Variants in LRRC7 observed in about 807,000 individuals in gnomAD.
LRRC7 encodes leucine-rich repeat-containing protein 7.
LRRC7 carries 23 observed loss-of-function variants against 175.7 expected under a neutral mutation model. That is an observed-to-expected ratio of 0.13 (90% CI 0.09 to 0.19). The LOEUF (loss-of-function observed/expected upper bound fraction) is 0.19. LRRC7 is among the 10% of genes least tolerant of loss of function. The pLI is 1.00. For missense variants in LRRC7, 1,354 were observed against 1,904.7 expected (o/e 0.71, Z 5.38); for synonymous variants, 685 against 680.9 (o/e 1.01, Z -0.09).
At chr1:69,902,225 T>C (rs897308579) in intron 7 of LRRC7, among the ~76,000 whole-genome samples, 1 of 152,180 alleles carries the variant, frequency 6.6e-6, no homozygotes, top group African/African-American at 2.4e-5. Flanking sequence ...ACTCAAATGA[T>C]GTTTGTTAAA....
At chr1:69,713,685 G>A (rs905596898) in intron 2 of LRRC7, among the ~76,000 whole-genome samples, 5 of 151,238 alleles carry the variant, frequency 3.3e-5, no homozygotes, top group Admixed American at 1.3e-4. Context: ...GTCCAGCTAC[G>A]TTTATGATCA....
intron 1 of LRRC7, among the ~76,000 whole-genome samples, chr1:69,662,503 T>C (rs1395494911): frequency 6.6e-6 from 1 of 152,222 alleles, no homozygotes; most frequent in Admixed American, 6.5e-5. Flanking sequence ...TGGTAAATCA[T>C]TGCTGCCCTT....
intron 1 of LRRC7, among the ~76,000 whole-genome samples, chr1:69,574,167 T>C (rs915569283): frequency 2.0e-5 from 3 of 152,062 alleles, no homozygotes; most frequent in African/African-American, 7.2e-5. Flanking sequence ...AGAGGTAAAG[T>C]AGTATGAGAA....
chr1:69,819,577 C>CTCTGTG (rs1553160548), intron 4 of LRRC7, among the ~76,000 whole-genome samples: 150 of 114,954 alleles, frequency 1.3e-3, no homozygotes, highest in African/African-American at 2.6e-3. Context: ...CTCTCTCTCT[C>CTCTGTG]TGTGTGTGTG....
rs1667204444 is a variant in LRRC7, at chr1:70,144,099, T to TAAATTTAAAATA, written c.*22212_*22213insAAATTTAAAATA. The stretch of plus-strand genomic sequence containing the variant: ...AACCAGTGAAATTAATTACTGTCAG[T>TAAATTTAAAATA]TAATTTGCAAATGCAAGCTGTATTC... On this transcript the variant is annotated 3_prime_UTR_variant, in exon 27 of 27. Transcript: ENST00000651989. 1 of 152,200 alleles carries TAAATTTAAAATA rather than the reference T, an allele frequency of 6.6e-6. No individual in the cohort carries two copies. Among genetic ancestry groups the TAAATTTAAAATA allele is most frequent in the Non-Finnish European group, 1.5e-5 (1 of 68,034 alleles). The allele number at this position is 152,200 out of a possible 1,614,324, so 9.4% of individuals were successfully genotyped here.
At chr1:69,836,130 G>A (rs562680722) in intron 6 of LRRC7, among the ~76,000 whole-genome samples, 8 of 151,926 alleles carry the variant, frequency 5.3e-5, no homozygotes, top group Non-Finnish European at 1.2e-4. Context: ...ACTGAAGCTC[G>A]CACAGGACAT....
chr1:69,974,080 CAT>C (rs1229486850), intron 8 of LRRC7, among the ~76,000 whole-genome samples: 2 of 152,108 alleles, frequency 1.3e-5, no homozygotes, highest in Non-Finnish European at 2.9e-5. Context: ...CAGTATATAG[CAT>C]AGTTTTTTGA....
At chr1:69,580,915 T>C (rs911111819) in intron 1 of LRRC7, among the ~76,000 whole-genome samples, 3 of 152,216 alleles carry the variant, frequency 2.0e-5, no homozygotes, top group Admixed American at 6.5e-5. Flanking sequence ...TGAACTGCTA[T>C]TTAAATAAAA....
Position 69,958,118 on chromosome 1 carries a change from A to G in LRRC7, c.712-22261A>G, listed in dbSNP as rs188625177. On this transcript the variant is annotated intron_variant, in intron 8 of 26. Transcript: ENST00000651989. ...TTCTAAAATGAAATATTGCATTGGC[A>G]ACTTCAAATTTTCTCTATATCTTAA... Among the ~76,000 whole-genome samples the G allele has an allele frequency of 3.5e-4, 53 of 152,118 alleles. 1 individual carries two copies. The highest frequency in any genetic ancestry group is 1.3e-3 in the African/African-American group (53 of 41,548).
At chr1:70,087,763 A>T (rs780352668) in intron 24 of LRRC7, among the ~76,000 whole-genome samples, 15 of 152,208 alleles carry the variant, frequency 9.9e-5, no homozygotes, top group Non-Finnish European at 1.5e-4. Flanking sequence ...ACTATTCATT[A>T]ATGACTACAT....
chr1:69,648,286 A>ACT (rs535576603), intron 1 of LRRC7, among the ~76,000 whole-genome samples: 89 of 152,056 alleles, frequency 5.9e-4, no homozygotes, highest in Non-Finnish European at 7.5e-4. Context: ...TGAAAATAAT[A>ACT]CTCGAGGTGT....
At chr1:69,735,080 T>A (rs1667969966) in intron 2 of LRRC7, among the ~76,000 whole-genome samples, 1 of 151,990 alleles carries the variant, frequency 6.6e-6, no homozygotes, top group African/African-American at 2.4e-5. Context: ...ATACTTCCTC[T>A]TTAAATATTT....
chr1:69,815,883 G>A (rs965070954), intron 4 of LRRC7, among the ~76,000 whole-genome samples: 5 of 152,144 alleles, frequency 3.3e-5, no homozygotes, highest in African/African-American at 1.2e-4. Flanking sequence ...AGACCACTGG[G>A]AGCAGACTTG....
At chr1:69,823,805 A>T (rs1159882996) in intron 4 of LRRC7, among the ~76,000 whole-genome samples, 1 of 152,106 alleles carries the variant, frequency 6.6e-6, no homozygotes, top group African/African-American at 2.4e-5. Context: ...TTTCTGTATA[A>T]TCTCTTTTAA....
chr1:70,110,756 A>T (rs907116254), intron 26 of LRRC7, among the ~76,000 whole-genome samples: 10 of 152,330 alleles, frequency 6.6e-5, no homozygotes, highest in Admixed American at 5.9e-4. Flanking sequence ...TAAATTATGT[A>T]TTTACAGTTT....
intron 1 of LRRC7, among the ~76,000 whole-genome samples, chr1:69,613,102 T>TA (rs1649050158): frequency 6.6e-6 from 1 of 152,100 alleles, no homozygotes; most frequent in Non-Finnish European, 1.5e-5. Flanking sequence ...TGGCCTGCTA[T>TA]AACAAGTATA....
chr1:70,026,608 A>G (rs1003990568), intron 17 of LRRC7, among the ~76,000 whole-genome samples: 3 of 151,960 alleles, frequency 2.0e-5, no homozygotes, highest in East Asian at 1.9e-4. Flanking sequence ...TTTTCTGTCA[A>G]TTCTAACTTT....
chr1:69,723,263 C>G (rs1421453933), intron 2 of LRRC7, among the ~76,000 whole-genome samples: 2 of 152,048 alleles, frequency 1.3e-5, no homozygotes, highest in Non-Finnish European at 2.9e-5. Flanking sequence ...TTAACATCTG[C>G]TAGGAAATGC....
In LRRC7 at chr1:69,660,609, G is replaced by A. The variant is rs574855174; in HGVS notation, c.3-17772G>A. The stretch of plus-strand genomic sequence containing the variant: ...GTTCTCAGGAAAGGCCCCTGAAAAA[G>A]TAACATTTGAATAAGGACTTAATGA... On this transcript the variant is annotated intron_variant, in intron 1 of 26. Coordinates refer to ENST00000651989, the MANE Select transcript of LRRC7 (RefSeq NM_001370785.2). 2.0e-5 allele frequency among the ~76,000 whole-genome samples: 3 copies of A among 152,168 alleles called. No individual in the cohort carries two copies. The South Asian group carries it at 6.2e-4, about 32-fold the overall frequency.
Sources: gnomAD v4.1 joint callset for allele counts (sites outside exome capture counted in the v4.1 genomes callset) on GRCh38, gnomAD v4.1.1 for gene constraint, MANE v1.5 for transcripts, NCBI Gene and HGNC (gene_info 2026-07-23, HGNC 2026-07-21) for gene names.